Variants in SHC4 observed in about 807,000 individuals in gnomAD.
The protein encoded by SHC4 is SHC-transforming protein 4.
A neutral mutation model predicts 69.4 loss-of-function variants in SHC4; 41 were observed. The observed-to-expected ratio is 0.59, with a 90% CI of 0.46 to 0.77. The LOEUF (loss-of-function observed/expected upper bound fraction) is 0.77. Ranked by LOEUF, SHC4 falls within the 30% of genes least tolerant of loss-of-function variation. The probability of loss-of-function intolerance (pLI) is 0.00; values close to 1 mark genes in which losing one functional copy is unlikely to be tolerated. For synonymous variants in SHC4, 318 were observed against 299.3 expected (o/e 1.06, Z -0.64); for missense variants, 777 against 783.8 (o/e 0.99, Z 0.10).
chr15:48,879,599 T>G (rs1390322276), intron 4 of SHC4: 1 of 167,068 alleles, frequency 6.0e-6, no homozygotes, highest in Non-Finnish European at 1.5e-5. Context: ...AACTTCATAT[T>G]GTAAGAACTG....
intron 2 of SHC4, among the ~76,000 whole-genome samples, chr15:48,906,715 T>A (rs1900411343): frequency 6.6e-6 from 1 of 152,228 alleles, no homozygotes; most frequent in Admixed American, 6.5e-5. Flanking sequence ...CTGTCCTTTA[T>A]TAGTTTGATT....
intron 1 of SHC4, among the ~76,000 whole-genome samples, chr15:48,936,891 A>G (rs1241297195): frequency 2.0e-5 from 3 of 152,252 alleles, no homozygotes; most frequent in East Asian, 3.9e-4. Context: ...AATCCCTTAC[A>G]CAGGGGAATT....
intron 8 of SHC4, among the ~76,000 whole-genome samples, chr15:48,855,396 T>C (rs945256226): frequency 6.6e-6 from 1 of 152,142 alleles, no homozygotes; most frequent in African/African-American, 2.4e-5. Context: ...TCTTCCAGTA[T>C]AGTGCACATG....
chr15:48,905,814 A>G (rs1411945907), intron 2 of SHC4, among the ~76,000 whole-genome samples: 1 of 152,226 alleles, frequency 6.6e-6, no homozygotes, highest in Non-Finnish European at 1.5e-5. Flanking sequence ...TGCTTAGGCT[A>G]GTGAATGTGT....
intron 1 of SHC4, among the ~76,000 whole-genome samples, chr15:48,929,829 C>T (rs1900923914): frequency 6.6e-6 from 1 of 152,224 alleles, no homozygotes; most frequent in Non-Finnish European, 1.5e-5. Context: ...GTTGCTCAGA[C>T]AACCTGCCCA....
At chr15:48,940,549 C>T (rs546219208) in intron 1 of SHC4, among the ~76,000 whole-genome samples, 3 of 152,286 alleles carry the variant, frequency 2.0e-5, no homozygotes, top group African/African-American at 7.2e-5. Context: ...CTCCATTTTC[C>T]GTTTGACTCA....
intron 2 of SHC4, among the ~76,000 whole-genome samples, chr15:48,899,087 C>CCCA (rs201741693): frequency 0.01 from 1,556 of 150,940 alleles, 34 homozygotes; most frequent in African/African-American, 0.036. Context: ...TACTTAGTCA[C>CCCA]CCACTTTATT....
intron 11 of SHC4, among the ~76,000 whole-genome samples, chr15:48,833,212 G>A (rs1898836647): frequency 6.6e-6 from 1 of 152,142 alleles, no homozygotes; most frequent in African/African-American, 2.4e-5. Flanking sequence ...TAGAGATTCT[G>A]GGGGTCTCCA....
chr15:48,941,381 T>G (rs144377244), intron 1 of SHC4, among the ~76,000 whole-genome samples: 15 of 152,292 alleles, frequency 9.8e-5, no homozygotes, highest in African/African-American at 3.4e-4. Flanking sequence ...AGCAAGAGAT[T>G]TAAAATTTGA....
chr15:48,877,668 G>A (rs1050918029), intron 4 of SHC4: 1 of 669,648 alleles, frequency 1.5e-6, no homozygotes, highest in Non-Finnish European at 1.8e-6. Flanking sequence ...TATATCTGTT[G>A]TTTGTGAATT....
intron 6 of SHC4, among the ~76,000 whole-genome samples, chr15:48,858,325 A>T (rs1401515318): frequency 2.6e-5 from 4 of 152,046 alleles, no homozygotes; most frequent in African/African-American, 9.7e-5. Context: ...CCCCGCTGCC[A>T]CCCCTTTTCC....
intron 11 of SHC4, among the ~76,000 whole-genome samples, chr15:48,833,053 T>TTTTG (rs976519546): frequency 6.6e-6 from 1 of 152,226 alleles, no homozygotes; most frequent in East Asian, 1.9e-4. Context: ...TAGATATTTA[T>TTTTG]TTTGTTTGTT....
intron 10 of SHC4, among the ~76,000 whole-genome samples, chr15:48,841,416 C>A (rs1269962371): frequency 6.6e-6 from 1 of 152,198 alleles, no homozygotes; most frequent in Non-Finnish European, 1.5e-5. Context: ...TCTGTGGTAG[C>A]CACAGAGATG....
chr15:48,875,357 A>C (rs1286974743), intron 4 of SHC4, among the ~76,000 whole-genome samples: 8 of 152,248 alleles, frequency 5.3e-5, no homozygotes, highest in Non-Finnish European at 1.0e-4. Flanking sequence ...GTTTGCACTG[A>C]GAGCATCATT....
intron 1 of SHC4, among the ~76,000 whole-genome samples, chr15:48,948,251 G>T (rs1901308203): frequency 6.6e-6 from 1 of 152,236 alleles, no homozygotes; most frequent in Non-Finnish European, 1.5e-5. Flanking sequence ...GCAAGATGTT[G>T]TTGTCAAGTT....
chr15:48,878,694 G>A, intron 4 of SHC4: 2 of 1,613,982 alleles, frequency 1.2e-6, no homozygotes, highest in Non-Finnish European at 8.5e-7. Flanking sequence ...GTTGTCAATC[G>A]TCTGACCGAA....
Position 48,963,204 on chromosome 15 carries a change from T to G in SHC4, c.-189A>C. ...GGTGACAGCCCATGGGGGAAACGCC[T>G]CCCCTGCTCTGATTTCAGTCTCTCC... On this transcript the variant is annotated 5_prime_UTR_variant, in exon 1 of 12. Coordinates refer to ENST00000332408, the MANE Select transcript of SHC4 (RefSeq NM_203349.4). 1 of 585,760 alleles carries G rather than the reference T, an allele frequency of 1.7e-6. No homozygotes were observed. The highest frequency in any genetic ancestry group is 3.0e-6 in the Non-Finnish European group (1 of 338,756). The allele number at this position is 585,760 out of a possible 1,614,324, so 36.3% of individuals were successfully genotyped here.
At chr15:48,898,526 G>A (rs552641166) in intron 2 of SHC4, among the ~76,000 whole-genome samples, 22 of 152,306 alleles carry the variant, frequency 1.4e-4, no homozygotes, top group Non-Finnish European at 2.5e-4. Flanking sequence ...TGTACTTAAA[G>A]TCTGTTTCTA....
At chr15:48,894,234 G>T (rs1900184936) in intron 2 of SHC4, among the ~76,000 whole-genome samples, 3 of 152,312 alleles carry the variant, frequency 2.0e-5, no homozygotes, top group Admixed American at 2.0e-4. Context: ...TAGTAATATA[G>T]AAAGAGCTTG....
Sources: allele counts gnomAD v4.1 joint callset (sites outside exome capture counted in the v4.1 genomes callset), GRCh38; gene constraint gnomAD v4.1.1; transcripts MANE v1.5; gene names NCBI Gene and HGNC (gene_info 2026-07-23, HGNC 2026-07-21).